The following CSNK1G2 variants were observed in gnomAD, a reference collection of about 807,000 sequenced individuals.
The protein encoded by CSNK1G2 is casein kinase 1 gamma 2, also known as casein kinase I isoform gamma-2.
A neutral mutation model predicts 48.0 loss-of-function variants in CSNK1G2; 11 were observed. The ratio of observed to expected loss-of-function variants is 0.23; its 90% confidence interval spans 0.14 to 0.38. The LOEUF (loss-of-function observed/expected upper bound fraction) is 0.38. Among genes scored for constraint, CSNK1G2 ranks in the 10% least tolerant of loss-of-function variants. CSNK1G2 has a pLI of 1.00. For missense variants in CSNK1G2, 446 were observed against 595.5 expected (o/e 0.75, Z 2.61); for synonymous variants, 337 against 254.1 (o/e 1.33, Z -3.10).
At chr19:1,948,111 GC>G (rs1379324104) in intron 1 of CSNK1G2, among the ~76,000 whole-genome samples, 1 of 152,146 alleles carries the variant, frequency 6.6e-6, no homozygotes, top group Non-Finnish European at 1.5e-5. Context: ...CCCGCCCTGG[GC>G]TCAGACTTGA....
At chr19:1,943,666 C>A (rs547103331) in intron 1 of CSNK1G2, among the ~76,000 whole-genome samples, 1 of 152,070 alleles carries the variant, frequency 6.6e-6, no homozygotes, top group Non-Finnish European at 1.5e-5. Context: ...ACCGCGCGCC[C>A]GAGTGGCAGA....
intron 1 of CSNK1G2, among the ~76,000 whole-genome samples, chr19:1,951,577 G>T (rs1180835646): frequency 6.9e-6 from 1 of 145,646 alleles, no homozygotes; most frequent in Non-Finnish European, 1.5e-5. Context: ...GTTGGGGGGT[G>T]CAGCCTCCCG....
intron 1 of CSNK1G2, among the ~76,000 whole-genome samples, chr19:1,967,610 G>T (rs1210515574): frequency 6.6e-6 from 1 of 152,094 alleles, no homozygotes; most frequent in Non-Finnish European, 1.5e-5. Context: ...GCGTCCCTGG[G>T]GTTGCACCAC....
chr19:1,950,829 G>A (rs1026826205), intron 1 of CSNK1G2, among the ~76,000 whole-genome samples: 1 of 146,750 alleles, frequency 6.8e-6, no homozygotes, highest in African/African-American at 2.6e-5. Context: ...AGGAGGGAGG[G>A]GCTGCGGGAG....
intron 2 of CSNK1G2, among the ~76,000 whole-genome samples, chr19:1,974,397 C>G (rs1015865081): frequency 6.6e-6 from 1 of 152,184 alleles, no homozygotes; most frequent in Non-Finnish European, 1.5e-5. Context: ...CACTCATCCA[C>G]GAGGGCAGCG....
intron 1 of CSNK1G2, among the ~76,000 whole-genome samples, chr19:1,958,547 G>A (rs1599300533): frequency 1.2e-4 from 10 of 83,448 alleles, no homozygotes; most frequent in African/African-American, 2.7e-4. Context: ...CCGTCCCCCC[G>A]TCCAGGGCTG....
intron 2 of CSNK1G2, among the ~76,000 whole-genome samples, chr19:1,970,965 A>G (rs181536896): frequency 2.0e-5 from 3 of 152,330 alleles, no homozygotes; most frequent in East Asian, 1.9e-4. Flanking sequence ...CGCAGTGGTC[A>G]TGATGTGGCT....
At chr19:1,945,043 G>A (rs1367493496) in intron 1 of CSNK1G2, among the ~76,000 whole-genome samples, 1 of 152,262 alleles carries the variant, frequency 6.6e-6, no homozygotes. Context: ...GTGCCCAGGA[G>A]CATTGCCCAT....
chr19:1,977,415 G>A (rs549859714), intron 2 of CSNK1G2, among the ~76,000 whole-genome samples: 2 of 152,300 alleles, frequency 1.3e-5, no homozygotes, highest in East Asian at 3.9e-4. Flanking sequence ...GCGCCTCTGT[G>A]TTAAGGGCTG....
rs1386052119 is a variant in CSNK1G2, at chr19:1,957,892, C to T, written c.-265-11616C>T. Among the ~76,000 whole-genome samples the T allele has an allele frequency of 4.6e-5, 7 of 152,034 alleles. No individual in the cohort carries two copies. Among genetic ancestry groups the T allele is most frequent in the Admixed American group, 3.3e-4 (5 of 15,272 alleles). Reference sequence around the variant, plus strand: ...CTCGGCGGGCACTGTGTGTGTGGCACGGCCACTGCTTAGGGCCCCCTGGAG... The same window carrying T: ...CTCGGCGGGCACTGTGTGTGTGGCATGGCCACTGCTTAGGGCCCCCTGGAG... On this transcript the variant is annotated intron_variant, in intron 1 of 11. Coordinates refer to ENST00000255641, the MANE Select transcript of CSNK1G2 (RefSeq NM_001319.7). The surrounding 1 kb of genome is among the most constrained non-coding windows in gnomAD (Gnocchi z 5.4).
intron 2 of CSNK1G2, among the ~76,000 whole-genome samples, chr19:1,976,912 T>C (rs1265765120): frequency 6.6e-6 from 1 of 152,092 alleles, no homozygotes; most frequent in Non-Finnish European, 1.5e-5. Flanking sequence ...GCTAATTTTG[T>C]ATTTTTAGTA....
chr19:1,963,841 G>A (rs2145555777), intron 1 of CSNK1G2, among the ~76,000 whole-genome samples: 1 of 138,380 alleles, frequency 7.2e-6, no homozygotes, highest in South Asian at 2.3e-4. Context: ...TTTGGAGACA[G>A]AATCTCGCTC....
rs767651270 is a variant in CSNK1G2 at position 1,978,826 on chromosome 19, G to A, written c.448-33G>A. 2 of 1,592,018 alleles carry A rather than the reference G, an allele frequency of 1.3e-6. No homozygotes were observed. Among genetic ancestry groups the A allele is most frequent in the African/African-American group, 2.7e-5 (2 of 74,352 alleles). On this transcript the variant is annotated intron_variant, in intron 5 of 11. Transcript: ENST00000255641. The surrounding 1 kb of genome is among the most constrained non-coding windows in gnomAD (Gnocchi z 7.3). Reference sequence around the variant, plus strand: ...GGAGGGGAGCGCGTGGGACGGGGAGGGGCCCGGCCGACACCGCCGTGCCCC... The same window carrying A: ...GGAGGGGAGCGCGTGGGACGGGGAGAGGCCCGGCCGACACCGCCGTGCCCC...
intron 1 of CSNK1G2, among the ~76,000 whole-genome samples, chr19:1,967,758 C>CGAGGCT: frequency 1.2e-5 from 1 of 85,968 alleles, no homozygotes; most frequent in African/African-American, 7.0e-5. Context: ...CAGGCTGCCC[C>CGAGGCT]CGACCACCCT....
chr19:1,953,904 C>G (rs1451417659), intron 1 of CSNK1G2: 1 of 534,160 alleles, frequency 1.9e-6, no homozygotes. Flanking sequence ...CAGAGGCCGG[C>G]TGTCCTCGTG....
intron 1 of CSNK1G2, chr19:1,942,483 A>G (rs908408125): frequency 2.0e-5 from 3 of 152,324 alleles, no homozygotes; most frequent in African/African-American, 7.2e-5. Context: ...CGTGTGGCCC[A>G]GTGCGCCGGG....
intron 8 of CSNK1G2, 25 bp downstream of exon 8, chr19:1,979,428 C>A: frequency 1.3e-6 from 2 of 1,529,886 alleles, no homozygotes; most frequent in Non-Finnish European, 1.8e-6. Flanking sequence ...CGCCCCCGCC[C>A]TGTGCCCCCC....
At chr19:1,979,439 A>ACCCCCCCCCCCCCCC in intron 8 of CSNK1G2, 36 bp downstream of exon 8, 1 of 385,638 alleles carries the variant, frequency 2.6e-6, no homozygotes, top group South Asian at 3.5e-5. Flanking sequence ...TGTGCCCCCC[A>ACCCCCCCCCCCCCCC]CCCCCCACCC....
intron 2 of CSNK1G2, chr19:1,975,970 G>A (rs1234028585): frequency 1.1e-6 from 1 of 950,942 alleles, no homozygotes; most frequent in Non-Finnish European, 1.5e-6. Context: ...AGGAGGCAGA[G>A]GTTCCAGTGA....
Sources: allele counts gnomAD v4.1 joint callset (sites outside exome capture counted in the v4.1 genomes callset), GRCh38; gene constraint gnomAD v4.1.1; non-coding constraint Gnocchi (gnomAD v3.1); transcripts MANE v1.5; gene names NCBI Gene and HGNC (gene_info 2026-07-23, HGNC 2026-07-21).